The following STPG2 variants were observed in gnomAD, a reference collection of about 807,000 sequenced individuals.
STPG2 encodes the protein sperm-tail PG-rich repeat-containing protein 2.
A neutral mutation model predicts 54.2 loss-of-function variants in STPG2; 56 were observed. The observed-to-expected ratio is 1.03, with a 90% confidence interval of 0.83 to 1.29. The LOEUF (loss-of-function observed/expected upper bound fraction) is 1.29, where lower values mean the gene tolerates loss of function less well. Among genes scored for constraint, STPG2 ranks in the 50% most tolerant of loss-of-function variants. The pLI, the probability that STPG2 is intolerant of heterozygous loss-of-function variation, is 0.00. For missense variants in STPG2, 596 were observed against 544.9 expected (o/e 1.09, Z -0.93); for synonymous variants, 200 against 181.8 (o/e 1.10, Z -0.81).
chr4:97,485,406 C>T (rs182975516), intron 4 of STPG2, among the ~76,000 whole-genome samples: 19 of 151,844 alleles, frequency 1.3e-4, no homozygotes, highest in Admixed American at 3.3e-4. Context: ...CTCTTCTATA[C>T]ACCAACAGCG....
chr4:97,876,067 G>A (rs193189264), intron 8 of STPG2, among the ~76,000 whole-genome samples: 5 of 152,134 alleles, frequency 3.3e-5, no homozygotes, highest in African/African-American at 7.2e-5. Flanking sequence ...TGTATGAACT[G>A]TGGCAAGACA....
intron 10 of STPG2, among the ~76,000 whole-genome samples, chr4:97,694,343 T>G (rs1279771198): frequency 6.6e-6 from 1 of 151,608 alleles, no homozygotes; most frequent in African/African-American, 2.4e-5. Flanking sequence ...TTACAGCCAA[T>G]ACTACAGAAA....
intron 10 of STPG2, among the ~76,000 whole-genome samples, chr4:97,708,079 AT>A (rs1178400725): frequency 6.6e-6 from 1 of 152,092 alleles, no homozygotes; most frequent in Non-Finnish European, 1.5e-5. Flanking sequence ...AGCTAATGAC[AT>A]AAAGGGTATT....
At chr4:97,787,789 C>T (rs539034020) in intron 9 of STPG2, among the ~76,000 whole-genome samples, 2 of 151,762 alleles carry the variant, frequency 1.3e-5, no homozygotes, top group East Asian at 1.9e-4. Flanking sequence ...CTGAACTACT[C>T]AGATTTTCTA....
chr4:97,483,494 G>T (rs1423973006), intron 4 of STPG2, among the ~76,000 whole-genome samples: 3 of 151,722 alleles, frequency 2.0e-5, no homozygotes, highest in African/African-American at 7.2e-5. Context: ...TTATATAATG[G>T]TAAAAAGGCC....
chr4:98,101,231 T>C (rs1018129420), intron 5 of STPG2, among the ~76,000 whole-genome samples: 4 of 152,122 alleles, frequency 2.6e-5, no homozygotes, highest in Admixed American at 6.5e-5. Context: ...ATGAAAGATA[T>C]ACAGAATAAG....
intron 10 of STPG2, among the ~76,000 whole-genome samples, chr4:97,573,143 C>A (rs1238136638): frequency 6.6e-6 from 1 of 151,906 alleles, no homozygotes; most frequent in Non-Finnish European, 1.5e-5. Flanking sequence ...TTTTAATTTT[C>A]TTCTTTACCT....
At chr4:98,036,874 C>T (rs1171212131) in intron 5 of STPG2, among the ~76,000 whole-genome samples, 2 of 151,966 alleles carry the variant, frequency 1.3e-5, no homozygotes, top group East Asian at 3.9e-4. Context: ...AAAAAATCAA[C>T]ACAACTAAAA....
At chr4:98,094,331 C>T (rs1481531875) in intron 5 of STPG2, among the ~76,000 whole-genome samples, 1 of 152,158 alleles carries the variant, frequency 6.6e-6, no homozygotes, top group Non-Finnish European at 1.5e-5. Flanking sequence ...ACTAAAGAGC[C>T]CTTGGGCCCT....
intron 10 of STPG2, among the ~76,000 whole-genome samples, chr4:97,619,363 T>C (rs1393502946): frequency 6.6e-6 from 1 of 152,120 alleles, no homozygotes; most frequent in Non-Finnish European, 1.5e-5. Flanking sequence ...GACACTACTT[T>C]CATGTTCTAT....
At chr4:97,827,462 C>T (rs925758021) in intron 9 of STPG2, among the ~76,000 whole-genome samples, 9 of 152,000 alleles carry the variant, frequency 5.9e-5, no homozygotes, top group African/African-American at 1.7e-4. Flanking sequence ...GTCTCAATCT[C>T]CTGACCTCGT....
chr4:97,754,898 C>T (rs9995124), intron 9 of STPG2, among the ~76,000 whole-genome samples: 9,248 of 152,100 alleles, frequency 0.061, 364 homozygotes, highest in Admixed American at 0.12. Context: ...ATCATTGAGG[C>T]CATCCTAGAA....
intron 8 of STPG2, among the ~76,000 whole-genome samples, chr4:97,879,892 G>T (rs1463995758): frequency 2.0e-5 from 3 of 152,100 alleles, no homozygotes; most frequent in Non-Finnish European, 4.4e-5. Flanking sequence ...TAATGTTGAG[G>T]TTCCTCAAAA....
intron 8 of STPG2, among the ~76,000 whole-genome samples, chr4:97,872,498 A>G (rs1730025578): frequency 6.6e-6 from 1 of 151,294 alleles, no homozygotes. Context: ...AGACACTCTA[A>G]GTAGAAAACC....
chr4:97,918,596 T>C (rs1731976805), intron 8 of STPG2, among the ~76,000 whole-genome samples: 1 of 151,710 alleles, frequency 6.6e-6, no homozygotes, highest in African/African-American at 2.4e-5. Context: ...CACATATATA[T>C]ACACACACAC....
chr4:97,640,613 T>C (rs1290632993), intron 10 of STPG2, among the ~76,000 whole-genome samples: 1 of 151,636 alleles, frequency 6.6e-6, no homozygotes, highest in East Asian at 1.9e-4. Context: ...AAACAGGATA[T>C]ACGGCATTCA....
At chr4:97,749,675 C>T (rs1035435196) in intron 9 of STPG2, among the ~76,000 whole-genome samples, 2 of 151,634 alleles carry the variant, frequency 1.3e-5, no homozygotes, top group Admixed American at 1.3e-4. Flanking sequence ...AATAAGTGCC[C>T]CATTTCATTC....
At chr4:97,974,487 T>C (rs966676629) in intron 6 of STPG2, among the ~76,000 whole-genome samples, 7 of 152,156 alleles carry the variant, frequency 4.6e-5, no homozygotes. Context: ...TAGAATGATA[T>C]GGTTTGGCTC....
intron 7 of STPG2, 81 bp downstream of exon 7, chr4:97,972,199 A>T: frequency 1.1e-6 from 1 of 945,158 alleles, no homozygotes; most frequent in Non-Finnish European, 1.5e-6. Flanking sequence ...CTTTTCTATT[A>T]ATTATAACAT....
Sources: gnomAD v4.1 joint callset for allele counts (sites outside exome capture counted in the v4.1 genomes callset) on GRCh38, gnomAD v4.1.1 for gene constraint, MANE v1.5 for transcripts, NCBI Gene and HGNC (gene_info 2026-07-23, HGNC 2026-07-21) for gene names.